The following RAI1 variants were observed in gnomAD, a reference collection of about 807,000 sequenced individuals.
RAI1 encodes retinoic acid-induced protein 1.
Under a neutral mutation model 123.8 loss-of-function variants are expected in RAI1, and 9 were observed. The ratio of observed to expected loss-of-function variants is 0.07; its 90% CI spans 0.04 to 0.13. The LOEUF (loss-of-function observed/expected upper bound fraction) is 0.13. Ranked by LOEUF, RAI1 falls within the 10% of genes least tolerant of loss-of-function variation. RAI1 has a pLI of 1.00. For synonymous variants in RAI1, 1,231 were observed against 1,127.3 expected, an observed-to-expected ratio of 1.09 and a Z score of -1.84; for missense variants, 2,256 against 2,545.8, an observed-to-expected ratio of 0.89 and a Z score of 2.45.
At chr17:17,744,615 A>C (rs1034598385) in intron 2 of RAI1, among the ~76,000 whole-genome samples, 1 of 151,922 alleles carries the variant, frequency 6.6e-6, no homozygotes, top group Non-Finnish European at 1.5e-5. Context: ...ACATGGTGAA[A>C]CCCTGTCTTA....
rs1325971139 is a variant in RAI1 at position 17,797,844 on chromosome 17, C to T, written c.4896C>T (p.Ser1632=). The part of the protein sequence containing the change: ...KPHRKPSSSA[S]SSSSSSSFSL... ...ACAGGAAGCCTTCCTCCTCTGCCTCCTCTTCCTCATCCTCGTCCTCGTTCT... is the reference window on the plus strand; with the variant it reads ...ACAGGAAGCCTTCCTCCTCTGCCTCTTCTTCCTCATCCTCGTCCTCGTTCT... The change falls in exon 3 of 6, where the codon TCC becomes TCT. Residue 1632 remains serine, a synonymous_variant. Coordinates refer to ENST00000353383, the MANE Select transcript of RAI1 (RefSeq NM_030665.4). The T allele has an allele frequency of 6.2e-7, 1 of 1,613,942 alleles. No individual in the cohort carries two copies. The highest frequency in any genetic ancestry group is 8.5e-7 in the Non-Finnish European group (1 of 1,180,042).
At chr17:17,693,147 C>A (rs12449524) in intron 1 of RAI1, among the ~76,000 whole-genome samples, 34,117 of 152,234 alleles carry the variant, frequency 0.22, 4,288 homozygotes, top group South Asian at 0.4. Flanking sequence ...AGGGTGGGCA[C>A]TGAGGGCATC....
At chr17:17,782,113 C>G (rs972211150) in intron 2 of RAI1, 2 of 151,844 alleles carry the variant, frequency 1.3e-5, no homozygotes, top group Non-Finnish European at 2.9e-5. Context: ...CACGCGGCTC[C>G]TAATCGGTCT....
In RAI1 at chr17:17,793,795, C is replaced by A; in HGVS notation, c.847C>A (p.Gln283Lys). The A allele has an allele frequency of 1.9e-6, 3 of 1,594,786 alleles. No homozygotes were observed. The highest frequency in any genetic ancestry group is 2.6e-6 in the Non-Finnish European group (3 of 1,171,172). Residue 283 changes from glutamine (Q) to lysine (K), a missense_variant, in exon 3 of 6, where the codon CAG (glutamine) becomes AAG (lysine). Physicochemically the swap from Gln to Lys is moderately conservative, Grantham distance 53. Around this residue, in one of 7 missense-constraint regions of RAI1, gnomAD observed 357 missense variants for 480.2 expected, o/e 0.74. Transcript: ENST00000353383. ...RLSYDQQQQQ[Q>K]QQQQQQQQAL... ...CAGCTATGACCAGCAGCAGCAGCAG[C>A]AGCAGCAGCAGCAGCAGCAGCAGCA... is the stretch of plus-strand genomic sequence containing the variant.
chr17:17,700,721 G>C (rs886941460), intron 1 of RAI1, among the ~76,000 whole-genome samples: 1 of 152,094 alleles, frequency 6.6e-6, no homozygotes, highest in African/African-American at 2.4e-5. Context: ...TCTCGTCCTC[G>C]GGGCGCGGCG....
In RAI1 at chr17:17,794,583, C is replaced by G; in HGVS notation, c.1635C>G (p.Asn545Lys). The G allele has an allele frequency of 6.2e-7, 1 of 1,613,252 alleles. No homozygotes were observed. Among genetic ancestry groups the G allele is most frequent in the Non-Finnish European group, 8.5e-7 (1 of 1,180,044 alleles). The change falls in exon 3 of 6, where the codon AAC becomes AAG. Residue 545 changes from asparagine (N) to lysine (K), a missense_variant. By Grantham distance (94) the Asn-to-Lys change is moderately conservative. This residue lies in a region of RAI1 where 357 missense variants were observed against 480.2 expected (regional missense o/e 0.74). Transcript: ENST00000353383. Reference sequence around the variant, plus strand: ...GCAGCCCTGCCAGGGTCAACAGCAACTCGAAGGCCAAGCCCGAGTCCGTGT... The same window carrying G: ...GCAGCCCTGCCAGGGTCAACAGCAAGTCGAAGGCCAAGCCCGAGTCCGTGT... ...ARGSPARVNSNSKAKPESVST... is the reference protein window; with the variant it reads ...ARGSPARVNSKSKAKPESVST...
intron 2 of RAI1, among the ~76,000 whole-genome samples, chr17:17,747,350 G>A (rs1013917146): frequency 6.6e-6 from 1 of 152,236 alleles, no homozygotes; most frequent in African/African-American, 2.4e-5. Flanking sequence ...CTTAGCCACT[G>A]GCTGACTAGT....
rs116522256 is a variant in RAI1 at position 17,683,069 on chromosome 17, C to A, written c.-149+1276C>A. ...CACGGTTCCTCCCACCAATACTGTC[C>A]CCCGCCCCCCTTTTATGTCTTTCCA... On this transcript the variant is annotated intron_variant, in intron 1 of 5. Transcript: ENST00000353383. Among the ~76,000 whole-genome samples, 251 of 152,300 alleles carry A rather than the reference C, an allele frequency of 1.6e-3. 1 individual carries two copies. Among genetic ancestry groups the A allele is most frequent in the African/African-American group, 5.7e-3 (235 of 41,564 alleles).
intron 2 of RAI1, among the ~76,000 whole-genome samples, chr17:17,754,191 CTTTTTTTT>C (rs1158475382): frequency 1.8e-4 from 14 of 75,726 alleles, no homozygotes; most frequent in East Asian, 1.6e-3. Context: ...CTAACCCAAT[CTTTTTTTT>C]TTTTTTTTTT....
chr17:17,775,043 T>C lies in RAI1; in HGVS notation c.-16-17890T>C, dbSNP rs375817614. ...TCTGGTTTTAAATTTTATAACGTGT[T>C]CCTTTGTTCAGATGATTGAAGGAAA... On this transcript the variant is annotated intron_variant, in intron 2 of 5. Transcript: ENST00000353383. Among the ~76,000 whole-genome samples, 74 of 152,078 alleles carry C rather than the reference T, an allele frequency of 4.9e-4. 1 individual carries two copies. The highest frequency in any genetic ancestry group is 1.7e-3 in the African/African-American group (70 of 41,376).
rs772374794 is a variant in RAI1 at position 17,685,453 on chromosome 17, G to C, written c.-149+3660G>C. 7.9e-5 allele frequency among the ~76,000 whole-genome samples: 12 copies of C among 152,246 alleles called. No individual in the cohort carries two copies. The highest frequency in any genetic ancestry group is 2.9e-4 in the African/African-American group (12 of 41,456). Reference sequence around the variant, plus strand: ...GCCTTTGAGCAGGTGCTTCAGGCACGGCGAGGTAAGAGTGAGAGGAGCATT... The same window carrying C: ...GCCTTTGAGCAGGTGCTTCAGGCACCGCGAGGTAAGAGTGAGAGGAGCATT... On this transcript the variant is annotated intron_variant, in intron 1 of 5. Transcript: ENST00000353383. This position sits in a 1 kb window ranked among gnomAD's most constrained non-coding sequence, Gnocchi z 4.0.
chr17:17,772,214 C>T (rs1488416443), intron 2 of RAI1, among the ~76,000 whole-genome samples: 1 of 152,162 alleles, frequency 6.6e-6, no homozygotes, highest in Non-Finnish European at 1.5e-5. Flanking sequence ...GAAATCTATT[C>T]CTCCCCACCA....
At chr17:17,754,282 G>A (rs560489278) in intron 2 of RAI1, among the ~76,000 whole-genome samples, 11 of 123,858 alleles carry the variant, frequency 8.9e-5, no homozygotes, top group South Asian at 2.8e-4. Context: ...TCGGCTCACC[G>A]CAACCTCCGC....
chr17:17,688,826 C>CTGACCTCA (rs1914737979), intron 1 of RAI1, among the ~76,000 whole-genome samples: 1 of 152,090 alleles, frequency 6.6e-6, no homozygotes, highest in African/African-American at 2.4e-5. Flanking sequence ...TCTCAAACTC[C>CTGACCTCA]TGACCTCATG....
At chr17:17,730,062 A>G (rs1299014243) in intron 2 of RAI1, among the ~76,000 whole-genome samples, 1 of 152,148 alleles carries the variant, frequency 6.6e-6, no homozygotes, top group African/African-American at 2.4e-5. Flanking sequence ...CAGAACTGGG[A>G]GAGAGGCAGG....
chr17:17,782,119 G>A (rs965414390), intron 2 of RAI1: 2 of 152,022 alleles, frequency 1.3e-5, no homozygotes, highest in Admixed American at 1.3e-4. Context: ...GCTCCTAATC[G>A]GTCTTTTCCA....
intron 2 of RAI1, among the ~76,000 whole-genome samples, chr17:17,727,772 T>C (rs1367459035): frequency 6.6e-6 from 1 of 152,092 alleles, no homozygotes; most frequent in African/African-American, 2.4e-5. Context: ...GGCACAGATA[T>C]GAGGTATGAA....
intron 2 of RAI1, among the ~76,000 whole-genome samples, chr17:17,745,715 G>T (rs1178326121): frequency 1.3e-5 from 2 of 152,172 alleles, no homozygotes; most frequent in Non-Finnish European, 2.9e-5. Context: ...TTTTAAGCAG[G>T]GAGGTAAGTG....
intron 2 of RAI1, among the ~76,000 whole-genome samples, chr17:17,756,084 T>C (rs1364778363): frequency 6.6e-6 from 1 of 152,168 alleles, no homozygotes; most frequent in Non-Finnish European, 1.5e-5. Flanking sequence ...CAGGGCCTGT[T>C]GGGACTGCCT....
Sources: gnomAD v4.1 joint callset for allele counts (sites outside exome capture counted in the v4.1 genomes callset) on GRCh38, gnomAD v4.1.1 for gene constraint, gnomAD v4.1.1 regional missense constraint, Gnocchi (gnomAD v3.1) non-coding constraint, MANE v1.5 for transcripts, NCBI Gene and HGNC (gene_info 2026-07-23, HGNC 2026-07-21) for gene names.